VPS13A: variants seen among roughly 807,000 people sequenced by gnomAD.
VPS13A encodes vacuolar protein sorting 13 homolog A, also known as intermembrane lipid transfer protein VPS13A.
VPS13A carries 264 observed loss-of-function variants against 390.9 expected under a neutral mutation model. That is an observed-to-expected ratio of 0.68 (90% CI 0.61 to 0.75). The LOEUF is 0.75. Among genes scored for constraint, VPS13A ranks in the 30% least tolerant of loss-of-function variants. VPS13A has a pLI of 0.00. For missense variants in VPS13A, 3,409 were observed against 3,733.9 expected (o/e 0.91, Z 2.27); for synonymous variants, 1,231 against 1,227.1 (o/e 1.00, Z -0.07).
chr9:77,314,470 T>G (rs1381129011), intron 36 of VPS13A, 25 bp from the exon 37 acceptor site: 9 of 1,605,570 alleles, frequency 5.6e-6, no homozygotes, highest in Non-Finnish European at 7.7e-6. Context: ...TCTTTGTAAT[T>G]TTGTGTTGGT....
rs139473511 is a variant in VPS13A, at chr9:77,369,040, A to G, written c.8554-259A>G. Among the ~76,000 whole-genome samples, 951 of 152,306 alleles carry G rather than the reference A, an allele frequency of 6.2e-3. 13 individuals are homozygous for G. The highest frequency in any genetic ancestry group is 0.022 in the African/African-American group (919 of 41,580). On this transcript the variant is annotated intron_variant, in intron 62 of 71. Transcript: ENST00000360280. ...TCCCAGCTTGGGAGGAGGAGGCACA[A>G]TAATTGCTTGAACCCGTGAGGCAGA...
chr9:77,260,546 G>A (rs1564673219), intron 23 of VPS13A, among the ~76,000 whole-genome samples: 1 of 151,184 alleles, frequency 6.6e-6, no homozygotes, highest in African/African-American at 2.4e-5. Context: ...TAGCAGAGAC[G>A]GGGTTTCACC....
At chr9:77,325,355 G>A (rs1758351022) in intron 45 of VPS13A, among the ~76,000 whole-genome samples, 1 of 150,282 alleles carries the variant, frequency 6.7e-6, no homozygotes, top group Non-Finnish European at 1.5e-5. Flanking sequence ...ATGCATTAAA[G>A]TATATTTAAC....
At chr9:77,185,731 TC>T (rs113210684) in intron 1 of VPS13A, among the ~76,000 whole-genome samples, 15,621 of 152,254 alleles carry the variant, frequency 0.1, 823 homozygotes, top group Middle Eastern at 0.13. Flanking sequence ...TTAATTTTTT[TC>T]TCCTGTCTTA....
At chr9:77,253,936 C>CTTTTTTTTTTTTT (rs1172781069) in intron 22 of VPS13A, among the ~76,000 whole-genome samples, 3 of 55,068 alleles carry the variant, frequency 5.4e-5, no homozygotes, top group Non-Finnish European at 7.1e-5. Context: ...GGCCTTTATT[C>CTTTTTTTTTTTTT]TTTTTTTTTT....
chr9:77,412,024 C>T (rs1834956214), intron 71 of VPS13A, among the ~76,000 whole-genome samples: 1 of 152,180 alleles, frequency 6.6e-6, no homozygotes, highest in Non-Finnish European at 1.5e-5. Context: ...AACACATACA[C>T]CCTCCCAAGA....
intron 71 of VPS13A, among the ~76,000 whole-genome samples, chr9:77,410,836 A>G (rs986007378): frequency 6.6e-6 from 1 of 152,190 alleles, no homozygotes; most frequent in South Asian, 2.1e-4. Context: ...CTCCCACACA[A>G]TAATAATGGG....
At chr9:77,187,852 T>A (rs760491297) in intron 1 of VPS13A, among the ~76,000 whole-genome samples, 9 of 152,172 alleles carry the variant, frequency 5.9e-5, no homozygotes, top group Non-Finnish European at 1.2e-4. Flanking sequence ...TTTTTGATCC[T>A]CACCCTCCCC....
intron 34 of VPS13A, among the ~76,000 whole-genome samples, chr9:77,305,910 T>G (rs1436910579): frequency 6.6e-6 from 1 of 152,192 alleles, no homozygotes; most frequent in Non-Finnish European, 1.5e-5. Flanking sequence ...TCCTTACAGT[T>G]CTTTGAACTT....
chr9:77,283,102 A>C lies in VPS13A; in HGVS notation c.3119-253A>C, dbSNP rs140186725. On this transcript the variant is annotated intron_variant, in intron 29 of 71. Coordinates refer to ENST00000360280, the MANE Select transcript of VPS13A (RefSeq NM_033305.3). The stretch of plus-strand genomic sequence containing the variant: ...AAAAAATTTTGAAATTTATAGCTAC[A>C]GTGTTTTAGTTTCAAATGTTTAGTT... Among the ~76,000 whole-genome samples, 875 of 152,310 alleles carry C rather than the reference A, an allele frequency of 5.7e-3. 9 individuals carry two copies. Among genetic ancestry groups the C allele is most frequent in the African/African-American group, 0.02 (844 of 41,570 alleles).
At chr9:77,287,650 C>T (rs764711114) in intron 31 of VPS13A, among the ~76,000 whole-genome samples, 5 of 152,154 alleles carry the variant, frequency 3.3e-5, no homozygotes, top group African/African-American at 7.2e-5. Flanking sequence ...ATTCACGTGG[C>T]GTATTAGGAT....
rs920057069 is a variant in VPS13A at position 77,410,504 on chromosome 9, T to C, written c.9474+2897T>C. ...CAATTAAAAGACACAGACTGGCAAA[T>C]TGGATAGAGTCAAGACCCATCAGTG... On this transcript the variant is annotated intron_variant, in intron 71 of 71. Transcript: ENST00000360280. Among the ~76,000 whole-genome samples the C allele has an allele frequency of 1.1e-4, 17 of 152,052 alleles. No homozygotes were observed. In the South Asian group the frequency reaches 1.9e-3, roughly 17 times the overall value.
chr9:77,390,017 A>C, intron 68 of VPS13A: 187 of 930,824 alleles, frequency 2.0e-4, no homozygotes, highest in South Asian at 4.5e-4. Context: ...AACTGCCGTC[A>C]GCCGACGTGG....
intron 24 of VPS13A, among the ~76,000 whole-genome samples, chr9:77,274,851 T>G (rs577762794): frequency 1.1e-4 from 17 of 152,274 alleles, no homozygotes; most frequent in African/African-American, 3.8e-4. Context: ...AACTTCAGTC[T>G]TAGTTTATTA....
chr9:77,370,877 G>A lies in VPS13A; in HGVS notation c.8908-13G>A, dbSNP rs759964137. 1.9e-6 allele frequency: 3 copies of A among 1,612,536 alleles called. No homozygotes were observed. The highest frequency in any genetic ancestry group is 1.7e-5 in the Admixed American group (1 of 60,000). Reference sequence around the variant, plus strand: ...AAAAGTATTGTAAATTTTCAGTTGTGTTTTCCTTCTAGGGATTTGTTAGTG... The same window carrying A: ...AAAAGTATTGTAAATTTTCAGTTGTATTTTCCTTCTAGGGATTTGTTAGTG... On this transcript the variant is annotated splice_polypyrimidine_tract_variant and intron_variant, in intron 65 of 71. Transcript: ENST00000360280.
chr9:77,353,584 G>A lies in VPS13A; in HGVS notation c.7595G>A (p.Gly2532Glu), dbSNP rs1423796326. Residue 2532 changes from glycine (G) to glutamate (E), a missense_variant, in exon 54 of 72, where the codon GGA (glycine) becomes GAA (glutamate). This residue lies in a region of VPS13A where 221 missense variants were observed against 300.7 expected (regional missense o/e 0.73). Coordinates refer to ENST00000360280, the MANE Select transcript of VPS13A (RefSeq NM_033305.3). ...QEIAVALQDVGISLVNNYTKQ... is the reference protein window; with the variant it reads ...QEIAVALQDVEISLVNNYTKQ... ...ATTGCAGTGGCATTACAAGATGTTG[G>A]AATTTCTCTTGTCAACAATTACACG... is the stretch of plus-strand genomic sequence containing the variant. 4 of 1,613,296 alleles carry A rather than the reference G, an allele frequency of 2.5e-6. No individual in the cohort carries two copies. In the East Asian group the frequency reaches 8.9e-5, roughly 36 times the overall value.
At position 77,183,041 on chromosome 9, in the gene VPS13A, A is replaced by G. The variant is rs181980030; in HGVS notation, c.100+5237A>G. Among the ~76,000 whole-genome samples the G allele has an allele frequency of 2.0e-3, 307 of 152,282 alleles. 1 individual carries two copies. The highest frequency in any genetic ancestry group is 4.1e-3 in the Admixed American group (63 of 15,292). On this transcript the variant is annotated intron_variant, in intron 1 of 71. Coordinates refer to ENST00000360280, the MANE Select transcript of VPS13A (RefSeq NM_033305.3). Reference sequence around the variant, plus strand: ...TGATTCTTACAGTCTGGTGTTAATGACCAATTCTAATTCCTTATGTATTAT... The same window carrying G: ...TGATTCTTACAGTCTGGTGTTAATGGCCAATTCTAATTCCTTATGTATTAT...
chr9:77,301,269 G>T (rs1828334714), intron 33 of VPS13A, among the ~76,000 whole-genome samples: 1 of 151,994 alleles, frequency 6.6e-6, no homozygotes, highest in Non-Finnish European at 1.5e-5. Flanking sequence ...ATCATAGAAG[G>T]TTAATTAAAA....
chr9:77,236,668 A>G (rs1824164698), intron 17 of VPS13A, among the ~76,000 whole-genome samples: 1 of 152,252 alleles, frequency 6.6e-6, no homozygotes, highest in African/African-American at 2.4e-5. Flanking sequence ...TAATTGAATG[A>G]TGTGTGCTCT....
Sources: gnomAD v4.1 joint callset for allele counts (sites outside exome capture counted in the v4.1 genomes callset) on GRCh38, gnomAD v4.1.1 for gene constraint, gnomAD v4.1.1 regional missense constraint, MANE v1.5 for transcripts, NCBI Gene and HGNC (gene_info 2026-07-23, HGNC 2026-07-21) for gene names.